Variants in AFF2 observed in about 807,000 individuals in gnomAD.
AFF2 encodes the protein ALF transcription elongation factor 2, also known as AF4/FMR2 family member 2.
A neutral mutation model predicts 76.9 loss-of-function variants in AFF2; 14 were observed. That is an observed-to-expected ratio of 0.18 (90% confidence interval 0.12 to 0.28). The LOEUF (loss-of-function observed/expected upper bound fraction) is 0.28, where lower values mean the gene tolerates loss of function less well. Among genes scored for constraint, AFF2 ranks in the 10% least tolerant of loss-of-function variants. AFF2 has a pLI of 1.00. For synonymous variants in AFF2, 398 were observed against 366.7 expected (o/e 1.09, Z -0.98); for missense variants, 868 against 1,001.1 (o/e 0.87, Z 1.79).
chrX:148,831,493 C>A (rs920358907), intron 4 of AFF2, among the ~76,000 whole-genome samples: 1 of 112,182 alleles, frequency 8.9e-6, no homozygotes, highest in African/African-American at 3.2e-5. Flanking sequence ...GCTGGTCCCT[C>A]CATTTGGGGT....
At position 148,569,674 on chromosome X, in the gene AFF2, A is replaced by G. The variant is rs782073880; in HGVS notation, c.47+68530A>G. On this transcript the variant is annotated intron_variant, in intron 1 of 20. Coordinates refer to ENST00000370460, the MANE Select transcript of AFF2 (RefSeq NM_002025.4). ...GTGTGTGTTTGACCTCTAGAGCTGAAGTCACGGTGTTAGCCCCTTGTGACA... is the reference window on the plus strand; with the variant it reads ...GTGTGTGTTTGACCTCTAGAGCTGAGGTCACGGTGTTAGCCCCTTGTGACA... Among the ~76,000 whole-genome samples the G allele has an allele frequency of 8.8e-4, 98 of 111,589 alleles. 1 individual carries two copies. Among genetic ancestry groups the G allele is most frequent in the Non-Finnish European group, 1.5e-3 (82 of 53,012 alleles).
Position 148,551,827 on chromosome X carries a change from A to G in AFF2, c.47+50683A>G, listed in dbSNP as rs565353806. 3.6e-5 allele frequency among the ~76,000 whole-genome samples: 4 copies of G among 111,954 alleles called. No individual in the cohort carries two copies. The South Asian group carries it at 1.5e-3, about 42-fold the overall frequency. Reference sequence around the variant, plus strand: ...CCTGGGGAGTTGAGCCACACCAGATAGTTTATGCTAACAATGTGGGTTATG... The same window carrying G: ...CCTGGGGAGTTGAGCCACACCAGATGGTTTATGCTAACAATGTGGGTTATG... On this transcript the variant is annotated intron_variant, in intron 1 of 20. Transcript: ENST00000370460.
At chrX:148,515,082 A>G (rs2052521032) in intron 1 of AFF2, among the ~76,000 whole-genome samples, 1 of 112,091 alleles carries the variant, frequency 8.9e-6, no homozygotes, top group Admixed American at 9.4e-5. Context: ...GGACAGAATG[A>G]AACCTTATTT....
intron 9 of AFF2, 121 bp downstream of exon 9, chrX:148,904,379 G>C: frequency 2.1e-6 from 1 of 471,900 alleles, no homozygotes; most frequent in Non-Finnish European, 3.5e-6. Flanking sequence ...ACAATTTAAA[G>C]ACAAAAACAA....
chrX:148,506,073 A>C (rs1357206705), intron 1 of AFF2, among the ~76,000 whole-genome samples: 1 of 110,172 alleles, frequency 9.1e-6, no homozygotes, highest in Non-Finnish European at 1.9e-5. Flanking sequence ...TTCTGTAAAG[A>C]CTCAATTTCG....
chrX:148,886,441 C>T lies in AFF2; in HGVS notation c.1359+456C>T, dbSNP rs28622463. On this transcript the variant is annotated intron_variant, in intron 8 of 20. Transcript: ENST00000370460. ...TTCAGAATGCAGCTGAGAATCAATACGCAACATCTTGCCATTAAATGAACC... is the reference window on the plus strand; with the variant it reads ...TTCAGAATGCAGCTGAGAATCAATATGCAACATCTTGCCATTAAATGAACC... 2.8e-3 allele frequency among the ~76,000 whole-genome samples: 309 copies of T among 111,918 alleles called. 2 individuals are homozygous for T. Among genetic ancestry groups the T allele is most frequent in the African/African-American group, 9.7e-3 (298 of 30,834 alleles).
chrX:148,684,879 T>C (rs2054585962), intron 3 of AFF2, among the ~76,000 whole-genome samples: 1 of 112,633 alleles, frequency 8.9e-6, no homozygotes, highest in African/African-American at 3.2e-5. Flanking sequence ...TTGGGATTGT[T>C]ATAACTTGTT....
At chrX:148,864,808 C>T (rs1003615620) in intron 7 of AFF2, among the ~76,000 whole-genome samples, 24 of 111,573 alleles carry the variant, frequency 2.2e-4, no homozygotes, top group African/African-American at 4.9e-4. Context: ...CATTAACTAC[C>T]ATTAACTGTA....
chrX:148,708,735 A>G (rs1407465092), intron 3 of AFF2, among the ~76,000 whole-genome samples: 1 of 112,466 alleles, frequency 8.9e-6, no homozygotes, highest in Non-Finnish European at 1.9e-5. Flanking sequence ...AAAACAAAAC[A>G]AAATTAGACA....
chrX:148,710,687 T>C (rs2054956441), intron 3 of AFF2, among the ~76,000 whole-genome samples: 1 of 112,256 alleles, frequency 8.9e-6, no homozygotes, highest in Non-Finnish European at 1.9e-5. Context: ...TTGGAAAATT[T>C]GTTAGAGTAG....
chrX:148,836,851 G>A (rs2070532493), intron 4 of AFF2, among the ~76,000 whole-genome samples: 1 of 111,800 alleles, frequency 8.9e-6, no homozygotes. Context: ...AGCCTAAGGG[G>A]CTTTTCCTGT....
chrX:148,583,247 TGGTA>T (rs1428800803), intron 1 of AFF2, among the ~76,000 whole-genome samples: 1 of 111,965 alleles, frequency 8.9e-6, no homozygotes, highest in East Asian at 2.8e-4. Context: ...GTAAATTGTA[TGGTA>T]TGTGAATTGT....
intron 3 of AFF2, among the ~76,000 whole-genome samples, chrX:148,754,137 T>C (rs782341666): frequency 5.5e-4 from 61 of 111,524 alleles, no homozygotes; most frequent in Non-Finnish European, 1.1e-3. Context: ...CTAAAACTAT[T>C]TTCCAAATCC....
chrX:148,700,674 A>ATTGTTG (rs782511252), intron 3 of AFF2, among the ~76,000 whole-genome samples: 1 of 110,556 alleles, frequency 9.0e-6, no homozygotes, highest in Non-Finnish European at 1.9e-5. Flanking sequence ...AGCATTAAAA[A>ATTGTTG]TTGTTGTTGT....
intron 1 of AFF2, among the ~76,000 whole-genome samples, chrX:148,635,056 C>T (rs1484301221): frequency 2.7e-5 from 3 of 111,093 alleles, no homozygotes; most frequent in African/African-American, 9.8e-5. Flanking sequence ...AATAATGCCC[C>T]GCCTCCCCCA....
chrX:148,732,702 G>C (rs985003745), intron 3 of AFF2, among the ~76,000 whole-genome samples: 23 of 108,571 alleles, frequency 2.1e-4, no homozygotes, highest in Non-Finnish European at 3.8e-4. Context: ...GGAGTACCTA[G>C]TACCTGCTTC....
At chrX:148,728,330 C>G (rs1027005673) in intron 3 of AFF2, among the ~76,000 whole-genome samples, 3 of 112,077 alleles carry the variant, frequency 2.7e-5, no homozygotes, top group Non-Finnish European at 5.6e-5. Context: ...GGCCATAGGC[C>G]CCAAGTGGAC....
At chrX:148,678,986 C>T (rs938875523) in intron 3 of AFF2, among the ~76,000 whole-genome samples, 18 of 110,647 alleles carry the variant, frequency 1.6e-4, no homozygotes, top group African/African-American at 5.6e-4. Flanking sequence ...TGCTGAAATA[C>T]AGCTAGTCAA....
chrX:148,886,025 G>C (rs782581387), intron 8 of AFF2, 40 bp downstream of exon 8: 11 of 1,026,887 alleles, frequency 1.1e-5, no homozygotes, highest in Non-Finnish European at 1.5e-5. Context: ...ATGAAGGGGG[G>C]AGCAGGAGGA....
Sources: gnomAD v4.1 joint callset for allele counts (sites outside exome capture counted in the v4.1 genomes callset) on GRCh38, gnomAD v4.1.1 for gene constraint, MANE v1.5 for transcripts, NCBI Gene and HGNC (gene_info 2026-07-23, HGNC 2026-07-21) for gene names.